PCDHA10: variants seen among roughly 807,000 people sequenced by gnomAD.
PCDHA10 encodes protocadherin alpha-10.
A neutral mutation model predicts 61.2 loss-of-function variants in PCDHA10; 45 were observed. The ratio of observed to expected loss-of-function variants is 0.74; its 90% CI spans 0.58 to 0.94. PCDHA10 has a LOEUF of 0.94. PCDHA10 is among the 40% of genes least tolerant of loss of function. The pLI is 0.00. For synonymous variants in PCDHA10, 602 were observed against 548.8 expected (o/e 1.10, Z -1.35); for missense variants, 1,278 against 1,236.2 (o/e 1.03, Z -0.51).
chr5:140,904,486 C>G (rs1396927518), intron 1 of PCDHA10, among the ~76,000 whole-genome samples: 2 of 151,508 alleles, frequency 1.3e-5, no homozygotes, highest in African/African-American at 2.4e-5. Context: ...TGGTCTGATT[C>G]CAAATTTTTA....
intron 1 of PCDHA10, among the ~76,000 whole-genome samples, chr5:140,922,126 G>A (rs1206223275): frequency 1.3e-5 from 2 of 151,970 alleles, no homozygotes; most frequent in Non-Finnish European, 2.9e-5. Flanking sequence ...ACCTTTAAAT[G>A]TCTCTTATCC....
At chr5:140,862,688 A>G in intron 1 of PCDHA10, 1 of 553,472 alleles carries the variant, frequency 1.8e-6, no homozygotes, top group Non-Finnish European at 3.6e-6. Flanking sequence ...CTGGTGTCCT[A>G]CTCGTTGATG....
At chr5:140,970,762 A>C (rs2096431667) in intron 1 of PCDHA10, among the ~76,000 whole-genome samples, 1 of 152,198 alleles carries the variant, frequency 6.6e-6, no homozygotes, top group Admixed American at 6.5e-5. Context: ...TCATTGACAT[A>C]TTGCTGTACA....
chr5:140,882,587 G>C (rs559310344), intron 1 of PCDHA10: 9 of 1,614,256 alleles, frequency 5.6e-6, no homozygotes, highest in Non-Finnish European at 6.8e-6. Flanking sequence ...CATCCACCTG[G>C]AGGTGATCGT....
chr5:140,940,494 G>C (rs553813143), intron 1 of PCDHA10, among the ~76,000 whole-genome samples: 1 of 151,724 alleles, frequency 6.6e-6, no homozygotes, highest in East Asian at 1.9e-4. Context: ...GACAAGTCTT[G>C]CTCCGTCGCT....
rs372428918 is a variant in PCDHA10, at chr5:140,857,407, G to A, written c.1359G>A (p.Ala453=). The change falls in exon 1 of 4, where the codon GCG becomes GCA. Residue 453 remains alanine, a synonymous_variant. Coordinates refer to ENST00000307360, the MANE Select transcript of PCDHA10 (RefSeq NM_018901.4). ...CCGACGTGAACGACAACGCGCCTGCGTTCGCGCAGTCCGAGTACACGGTGT... is the reference window on the plus strand; with the variant it reads ...CCGACGTGAACGACAACGCGCCTGCATTCGCGCAGTCCGAGTACACGGTGT... The part of the protein sequence containing the change: ...EVADVNDNAP[A]FAQSEYTVFV... The A allele has an allele frequency of 6.3e-6, 10 of 1,598,382 alleles. No homozygotes were observed. Among genetic ancestry groups the A allele is most frequent in the Non-Finnish European group, 8.6e-6 (10 of 1,167,886 alleles).
At chr5:140,922,023 T>C (rs1333266712) in intron 1 of PCDHA10, among the ~76,000 whole-genome samples, 3 of 152,086 alleles carry the variant, frequency 2.0e-5, no homozygotes, top group African/African-American at 7.2e-5. Context: ...AAAATAAATA[T>C]AAAAAATGTA....
In PCDHA10 at chr5:140,915,928, T is replaced by C. The variant is rs141949892; in HGVS notation, c.2388+57492T>C. ...CAGGCCCAGAGATGCTACTTGGGAG[T>C]CAGGGATTGGAGTCAAAATACTTAG... On this transcript the variant is annotated intron_variant, in intron 1 of 3. Coordinates refer to ENST00000307360, the MANE Select transcript of PCDHA10 (RefSeq NM_018901.4). Among the ~76,000 whole-genome samples the C allele has an allele frequency of 8.0e-3, 1,213 of 151,944 alleles. 5 individuals carry two copies. The highest frequency in any genetic ancestry group is 0.019 in the African/African-American group (783 of 41,424).
In PCDHA10 at chr5:140,857,483, T is replaced by G; in HGVS notation, c.1435T>G (p.Trp479Gly). ...PGCHIFTVSA[W>G]DADAQENALV... ...CTGCCACATCTTCACGGTGTCTGCG[T>G]GGGACGCGGACGCGCAGGAGAACGC... The change falls in exon 1 of 4, where the codon TGG (tryptophan) becomes GGG (glycine). Residue 479 changes from tryptophan to glycine, a missense_variant. Trp to Gly is a radical substitution (Grantham distance 184). Transcript: ENST00000307360. 1 of 1,598,450 alleles carries G rather than the reference T, an allele frequency of 6.3e-7. No homozygotes were observed.
intron 1 of PCDHA10, chr5:140,884,511 G>A (rs1202323930): frequency 6.2e-7 from 1 of 1,614,192 alleles, no homozygotes; most frequent in Non-Finnish European, 8.5e-7. Flanking sequence ...GCAGGGAGTT[G>A]GTCGTACTCG....
intron 1 of PCDHA10, chr5:140,884,420 T>A: frequency 1.2e-6 from 2 of 1,613,972 alleles, no homozygotes; most frequent in Non-Finnish European, 8.5e-7. Context: ...GTTGCTGCTG[T>A]ATACTGCGCT....
intron 1 of PCDHA10, chr5:140,883,595 G>C: frequency 6.2e-7 from 1 of 1,614,036 alleles, no homozygotes; most frequent in Non-Finnish European, 8.5e-7. Flanking sequence ...CAGCGTGTCG[G>C]TGGGGGTGGC....
At chr5:140,999,263 A>G (rs566864160) in intron 3 of PCDHA10, among the ~76,000 whole-genome samples, 3 of 152,346 alleles carry the variant, frequency 2.0e-5, no homozygotes, top group East Asian at 1.9e-4. Context: ...TAGTAAAGGA[A>G]TACTGCATAG....
intron 1 of PCDHA10, among the ~76,000 whole-genome samples, chr5:140,905,536 T>A (rs1562950103): frequency 6.6e-6 from 1 of 152,286 alleles, no homozygotes; most frequent in East Asian, 1.9e-4. Flanking sequence ...TGGTTCCATA[T>A]GAACTTTAGG....
chr5:140,872,792 G>T (rs1474880199), intron 1 of PCDHA10, among the ~76,000 whole-genome samples: 1 of 152,054 alleles, frequency 6.6e-6, no homozygotes, highest in African/African-American at 2.4e-5. Context: ...ATGCTAGTTG[G>T]CATTCTTCCA....
At chr5:140,921,967 G>GA (rs2080533534) in intron 1 of PCDHA10, among the ~76,000 whole-genome samples, 1 of 151,284 alleles carries the variant, frequency 6.6e-6, no homozygotes, top group Non-Finnish European at 1.5e-5. Context: ...AAAACCAAAG[G>GA]AAAAAATAGA....
chr5:140,973,719 C>T (rs1184460895), intron 1 of PCDHA10, among the ~76,000 whole-genome samples: 8 of 152,228 alleles, frequency 5.3e-5, no homozygotes, highest in African/African-American at 1.7e-4. Flanking sequence ...TGAGCCATCA[C>T]ATGGGCATCT....
chr5:140,978,842 T>A, intron 1 of PCDHA10, 107 bp from the exon 2 acceptor site: 1 of 1,564,670 alleles, frequency 6.4e-7, no homozygotes, highest in East Asian at 2.3e-5. Flanking sequence ...TTCAATACTT[T>A]TTTAGATGCC....
chr5:140,970,792 C>A (rs1554232742), intron 1 of PCDHA10, among the ~76,000 whole-genome samples: 2 of 152,036 alleles, frequency 1.3e-5, no homozygotes, highest in African/African-American at 4.8e-5. Flanking sequence ...TATGTAATAT[C>A]CATATTGTTA....
Sources: gnomAD v4.1 joint callset for allele counts (sites outside exome capture counted in the v4.1 genomes callset) on GRCh38, gnomAD v4.1.1 for gene constraint, MANE v1.5 for transcripts, NCBI Gene and HGNC (gene_info 2026-07-23, HGNC 2026-07-21) for gene names.